OTOGL: variants seen among roughly 807,000 people sequenced by gnomAD.
OTOGL encodes otogelin like.
A neutral mutation model predicts 318.5 loss-of-function variants in OTOGL; 285 were observed. The observed-to-expected ratio is 0.89, with a 90% CI of 0.81 to 0.99. The LOEUF (loss-of-function observed/expected upper bound fraction) is 0.99, where lower values mean the gene tolerates loss of function less well. OTOGL is among the 50% of genes least tolerant of loss of function. The pLI, the probability that OTOGL is intolerant of heterozygous loss-of-function variation, is 0.00. For missense variants in OTOGL, 2,899 were observed against 2,845.6 expected, an observed-to-expected ratio of 1.02 and a Z score of -0.43; for synonymous variants, 987 against 936.5, an observed-to-expected ratio of 1.05 and a Z score of -0.99.
chr12:80,260,104 C>T (rs1457250432), intron 18 of OTOGL, among the ~76,000 whole-genome samples: 1 of 152,038 alleles, frequency 6.6e-6, no homozygotes, highest in Non-Finnish European at 1.5e-5. Flanking sequence ...TAGAACCTCA[C>T]ATATAGTGGA....
At chr12:80,252,811 T>A (rs1015292253) in intron 13 of OTOGL, among the ~76,000 whole-genome samples, 27 of 152,218 alleles carry the variant, frequency 1.8e-4, no homozygotes, top group South Asian at 6.2e-4. Context: ...GTTCTGTTAG[T>A]GCTACTCAAA....
chr12:80,262,943 A>G (rs541696373), intron 19 of OTOGL, among the ~76,000 whole-genome samples: 1 of 152,118 alleles, frequency 6.6e-6, no homozygotes, highest in African/African-American at 2.4e-5. Context: ...TTGAGCTTTC[A>G]TAAGAAGCCA....
chr12:80,307,264 C>CA (rs1323923594), intron 29 of OTOGL, among the ~76,000 whole-genome samples: 2 of 151,484 alleles, frequency 1.3e-5, no homozygotes, highest in East Asian at 3.9e-4. Flanking sequence ...ACCTTTCCCC[C>CA]CTTTCTATTC....
intron 1 of OTOGL, among the ~76,000 whole-genome samples, chr12:80,125,512 G>T (rs555219449): frequency 3.2e-4 from 48 of 152,220 alleles, no homozygotes; most frequent in African/African-American, 1.1e-3. Flanking sequence ...TTTTGATTGT[G>T]TCTCTGCCAG....
At position 80,379,685 on chromosome 12, in the gene OTOGL, T is replaced by C. The variant is rs545686899; in HGVS notation, c.*1637T>C. The C allele has an allele frequency of 5.3e-5, 8 of 152,104 alleles. No individual in the cohort carries two copies. Among genetic ancestry groups the C allele is most frequent in the African/African-American group, 1.7e-4 (7 of 41,560 alleles). The allele number at this position is 152,104 out of a possible 1,614,324, so 9.4% of individuals were successfully genotyped here. A position where few individuals can be genotyped will look rare whatever the true frequency, so the allele number is the denominator to read the frequency against. On this transcript the variant is annotated 3_prime_UTR_variant, in exon 59 of 59. Coordinates refer to ENST00000547103, the MANE Select transcript of OTOGL (RefSeq NM_001378609.3). Reference sequence around the variant, plus strand: ...AGTAACTAATGTTGTATATTATCTATTGCCCATTTTTATTTCCATTTTCTG... The same window carrying C: ...AGTAACTAATGTTGTATATTATCTACTGCCCATTTTTATTTCCATTTTCTG...
intron 57 of OTOGL, among the ~76,000 whole-genome samples, chr12:80,374,329 G>A (rs7968158): frequency 0.94 from 143,176 of 152,246 alleles, 67,397 homozygotes; most frequent in East Asian, 1. Flanking sequence ...TTTTTGCTCA[G>A]TTATCCCTGC....
chr12:80,149,169 C>T (rs1384763625), intron 1 of OTOGL, among the ~76,000 whole-genome samples: 1 of 152,176 alleles, frequency 6.6e-6, no homozygotes, highest in Non-Finnish European at 1.5e-5. Flanking sequence ...TGTGTTTTTT[C>T]CCCATCTTTG....
chr12:80,219,052 A>T (rs1186494246), intron 5 of OTOGL, among the ~76,000 whole-genome samples: 1 of 152,140 alleles, frequency 6.6e-6, no homozygotes, highest in African/African-American at 2.4e-5. Context: ...CTTCAAAAGC[A>T]GGAGTCTCCC....
Position 80,180,900 on chromosome 12 carries a change from G to A in OTOGL, c.-19-28513G>A, listed in dbSNP as rs185257195. 1.2e-3 allele frequency among the ~76,000 whole-genome samples: 189 copies of A among 152,300 alleles called. 1 individual carries two copies. The highest frequency in any genetic ancestry group is 2.2e-3 in the Non-Finnish European group (153 of 68,024). On this transcript the variant is annotated intron_variant, in intron 1 of 58. Coordinates refer to ENST00000547103, the MANE Select transcript of OTOGL (RefSeq NM_001378609.3). ...GAGGATCTGTATTTCCTGAATGAGT[G>A]TGTCAAATGAATGCCCTTGGAGGAA...
At chr12:80,200,723 A>G (rs558265704) in intron 1 of OTOGL, among the ~76,000 whole-genome samples, 29 of 152,356 alleles carry the variant, frequency 1.9e-4, no homozygotes, top group African/African-American at 7.0e-4. Flanking sequence ...CAGCAGAGGC[A>G]TACATTAATT....
chr12:80,277,960 TTGCC>T (rs1162656671), intron 24 of OTOGL, among the ~76,000 whole-genome samples: 1 of 151,470 alleles, frequency 6.6e-6, no homozygotes, highest in Non-Finnish European at 1.5e-5. Flanking sequence ...ATCTAGTCAT[TTGCC>T]TGGCATTTAG....
chr12:80,308,954 G>A (rs1026598060), intron 29 of OTOGL, among the ~76,000 whole-genome samples: 3 of 150,034 alleles, frequency 2.0e-5, no homozygotes, highest in Non-Finnish European at 3.0e-5. Flanking sequence ...GAGGGAGACC[G>A]TGGAAAGAGA....
At chr12:80,311,942 G>A (rs1592694292) in intron 30 of OTOGL, among the ~76,000 whole-genome samples, 1 of 151,978 alleles carries the variant, frequency 6.6e-6, no homozygotes, top group East Asian at 1.9e-4. Context: ...TCAACATTTC[G>A]AAGATCTGCA....
intron 4 of OTOGL, among the ~76,000 whole-genome samples, chr12:80,215,728 G>T (rs1181494395): frequency 1.3e-5 from 2 of 152,112 alleles, no homozygotes; most frequent in Non-Finnish European, 2.9e-5. Context: ...AATCATTTTG[G>T]AGCCAAAGGA....
chr12:80,332,156 G>T (rs536269541), intron 37 of OTOGL, among the ~76,000 whole-genome samples: 10 of 152,184 alleles, frequency 6.6e-5, no homozygotes, highest in African/African-American at 2.2e-4. Context: ...TTTGAAAATT[G>T]ACAAAGAAAA....
chr12:80,237,018 T>C (rs974060899), intron 9 of OTOGL, among the ~76,000 whole-genome samples: 1 of 151,984 alleles, frequency 6.6e-6, no homozygotes, highest in African/African-American at 2.4e-5. Context: ...TTTCACCGTG[T>C]TGGCCAGGCC....
chr12:80,148,982 G>T (rs370492730), intron 1 of OTOGL, among the ~76,000 whole-genome samples: 2 of 152,088 alleles, frequency 1.3e-5, no homozygotes, highest in African/African-American at 4.8e-5. Flanking sequence ...TTTTCAACTT[G>T]TTTGCCTTTG....
rs1885854424 is a variant in OTOGL, at chr12:80,302,788, G to A, written c.3213+5G>A. On this transcript the variant is annotated splice_donor_5th_base_variant and intron_variant, in intron 28 of 58. Coordinates refer to ENST00000547103, the MANE Select transcript of OTOGL (RefSeq NM_001378609.3). Reference sequence around the variant, plus strand: ...AAAGTTGGGCCACAGTGGAAGGTAGGTCAACCTAAGCTCCAAATGAGATGT... The same window carrying A: ...AAAGTTGGGCCACAGTGGAAGGTAGATCAACCTAAGCTCCAAATGAGATGT... The A allele has an allele frequency of 6.8e-7, 1 of 1,473,004 alleles. No homozygotes were observed. The highest frequency in any genetic ancestry group is 9.0e-7 in the Non-Finnish European group (1 of 1,117,160). The allele number at this position is 1,473,004 out of a possible 1,614,324, so 91.2% of individuals were successfully genotyped here. A position where few individuals can be genotyped will look rare whatever the true frequency, so the allele number is the denominator to read the frequency against.
intron 53 of OTOGL, among the ~76,000 whole-genome samples, chr12:80,366,889 A>G (rs1347908624): frequency 6.6e-6 from 1 of 151,978 alleles, no homozygotes; most frequent in African/African-American, 2.4e-5. Context: ...TACAGTGGGC[A>G]TTAGGCTCTT....
Sources: gnomAD v4.1 joint callset for allele counts (sites outside exome capture counted in the v4.1 genomes callset) on GRCh38, gnomAD v4.1.1 for gene constraint, MANE v1.5 for transcripts, NCBI Gene and HGNC (gene_info 2026-07-23, HGNC 2026-07-21) for gene names.